WBP4: variants seen among roughly 807,000 people sequenced by gnomAD.
WBP4 encodes WW domain binding protein 4.
Under a neutral mutation model 55.4 loss-of-function variants are expected in WBP4, and 37 were observed. The ratio of observed to expected loss-of-function variants is 0.67; its 90% CI spans 0.51 to 0.88. The LOEUF is 0.88. WBP4 is among the 40% of genes least tolerant of loss of function. The probability of loss-of-function intolerance (pLI) is 0.00; values close to 1 mark genes in which losing one functional copy is unlikely to be tolerated. For synonymous variants in WBP4, 142 were observed against 140.2 expected (o/e 1.01, Z -0.09); for missense variants, 398 against 420.8 (o/e 0.95, Z 0.47).
At chr13:41,062,102 T>TG (rs1207820760) in intron 1 of WBP4, 17 of 876,036 alleles carry the variant, frequency 1.9e-5, no homozygotes, top group South Asian at 1.1e-4. Flanking sequence ...AATGGTTTTT[T>TG]TTTTTTTTTT....
intron 4 of WBP4, among the ~76,000 whole-genome samples, chr13:41,066,240 C>G (rs1046344159): frequency 6.6e-6 from 1 of 152,114 alleles, no homozygotes; most frequent in African/African-American, 2.4e-5. Flanking sequence ...TTATGCTGCC[C>G]TTTGAGCAAA....
chr13:41,062,201 A>C (rs1203906699), intron 1 of WBP4: 58 of 967,772 alleles, frequency 6.0e-5, no homozygotes, highest in Non-Finnish European at 6.6e-5. Flanking sequence ...GTTTTAACTG[A>C]GAGTCTGGGA....
chr13:41,068,815 T>G (rs1878100055), intron 5 of WBP4, 78 bp downstream of exon 5: 2 of 1,378,622 alleles, frequency 1.5e-6, no homozygotes, highest in East Asian at 4.9e-5. Context: ...GTTAGGATTT[T>G]TATCTAATGT....
intron 9 of WBP4, 75 bp from the exon 10 acceptor site, chr13:41,082,629 A>T: frequency 7.3e-7 from 1 of 1,369,820 alleles, no homozygotes; most frequent in South Asian, 1.3e-5. Flanking sequence ...TAGAAAGCTG[A>T]TCTTGGGGCA....
intron 7 of WBP4, 100 bp from the exon 8 acceptor site, chr13:41,075,944 G>C: frequency 8.2e-7 from 1 of 1,223,050 alleles, no homozygotes; most frequent in Non-Finnish European, 1.2e-6. Context: ...AATACATACA[G>C]TATTGTCATT....
In WBP4 at chr13:41,071,566, TAAAA is replaced by T. The variant is rs1233055164; in HGVS notation, c.482_485del (p.Lys161ArgfsTer4). 1 of 1,609,326 alleles carries T rather than the reference TAAAA, an allele frequency of 6.2e-7. No individual in the cohort carries two copies. The highest frequency in any genetic ancestry group is 8.5e-7 in the Non-Finnish European group (1 of 1,177,698). On this transcript the variant is annotated frameshift_variant, in exon 6 of 10. Coordinates refer to ENST00000379487, the MANE Select transcript of WBP4 (RefSeq NM_007187.5). LOFTEE classifies it high-confidence loss of function. Reference sequence around the variant, plus strand: ...AAACCTGAAGGATTTCAAGGAGACTTAAAAAAGGTAATTGAAGCATATTAATAGT... The same window carrying T: ...AAACCTGAAGGATTTCAAGGAGACTTAAGGTAATTGAAGCATATTAATAGT...
intron 3 of WBP4, 43 bp downstream of exon 3, chr13:41,065,121 C>A: frequency 6.2e-7 from 1 of 1,601,260 alleles, no homozygotes; most frequent in Non-Finnish European, 8.5e-7. Context: ...ATGCAAATGT[C>A]AGTCCTTTAT....
At chr13:41,063,796 G>T (rs546656479) in intron 2 of WBP4, among the ~76,000 whole-genome samples, 8 of 152,104 alleles carry the variant, frequency 5.3e-5, no homozygotes, top group African/African-American at 1.9e-4. Flanking sequence ...TTTAGGAAAC[G>T]CAATGTATGA....
In WBP4 at chr13:41,082,796, A is replaced by G. The variant is rs200363308; in HGVS notation, c.1013A>G (p.Lys338Arg). ...GGCGGAGAACCCAAAGTGGTATTTA[A>G]AGAAAAAACAGTCACTTCTCTTGGA... The part of the protein sequence containing the change: ...DGGGEPKVVF[K>R]EKTVTSLGVM... Residue 338 changes from lysine to arginine, a missense_variant, in exon 10 of 10, where the codon AAA (lysine) becomes AGA (arginine). Physicochemically the swap from Lys to Arg is conservative, Grantham distance 26 (BLOSUM62 2). Transcript: ENST00000379487. The G allele has an allele frequency of 9.9e-6, 16 of 1,614,036 alleles. No individual in the cohort carries two copies. The highest frequency in any genetic ancestry group is 1.3e-5 in the Non-Finnish European group (15 of 1,180,038).
At chr13:41,070,333 G>A (rs1001501538) in intron 5 of WBP4, among the ~76,000 whole-genome samples, 1 of 152,068 alleles carries the variant, frequency 6.6e-6, no homozygotes, top group African/African-American at 2.4e-5. Flanking sequence ...GAAGACTTCA[G>A]TAGATAATTA....
At position 41,068,723 on chromosome 13, in the gene WBP4, A is replaced by C. The variant is rs1161755826; in HGVS notation, c.425A>C (p.Asp142Ala). Residue 142 changes from aspartate (D) to alanine (A), a missense_variant, in exon 5 of 10, where the codon GAT (aspartate) becomes GCT (alanine). By Grantham distance (126) the Asp-to-Ala change is moderately radical. Coordinates refer to ENST00000379487, the MANE Select transcript of WBP4 (RefSeq NM_007187.5). ...ITSEGYHYYY[D>A]LISGASQWEK... ...TCTGAGGGTTACCATTACTATTATGATCTTATCTCAGGAGGTAAGTCATTT... is the reference window on the plus strand; with the variant it reads ...TCTGAGGGTTACCATTACTATTATGCTCTTATCTCAGGAGGTAAGTCATTT... 6.2e-7 allele frequency: 1 copy of C among 1,600,174 alleles called. No homozygotes were observed.
chr13:41,065,091 GTTTA>G lies in WBP4; in HGVS notation c.138+17_138+20del. On this transcript the variant is annotated intron_variant, in intron 3 of 9. Coordinates refer to ENST00000379487, the MANE Select transcript of WBP4 (RefSeq NM_007187.5). The stretch of plus-strand genomic sequence containing the variant: ...AAGGATCAGTGAGGTAATTTAGATT[GTTTA>G]TTTGCTAATTTTTCTATGCAAATGT... The G allele has an allele frequency of 6.3e-7, 1 of 1,599,472 alleles. No individual in the cohort carries two copies. The highest frequency in any genetic ancestry group is 8.5e-7 in the Non-Finnish European group (1 of 1,175,928).
intron 8 of WBP4, among the ~76,000 whole-genome samples, chr13:41,080,253 A>G (rs1032294445): frequency 2.0e-5 from 3 of 152,214 alleles, no homozygotes; most frequent in African/African-American, 7.2e-5. Context: ...TACAAAATAC[A>G]GGTAAACAAG....
At chr13:41,067,832 TC>T (rs1388842982) in intron 4 of WBP4, among the ~76,000 whole-genome samples, 2 of 152,316 alleles carry the variant, frequency 1.3e-5, no homozygotes, top group East Asian at 1.9e-4. Flanking sequence ...ATATGTTTTT[TC>T]TTTTTATTTT....
intron 5 of WBP4, among the ~76,000 whole-genome samples, chr13:41,069,893 GA>G (rs79238311): frequency 4.6e-4 from 63 of 138,308 alleles, no homozygotes; most frequent in East Asian, 8.4e-4. Flanking sequence ...AAAAAAAAAA[GA>G]AAAAAAAAAT....
At chr13:41,080,056 C>G (rs921404992) in intron 8 of WBP4, among the ~76,000 whole-genome samples, 3 of 86,772 alleles carry the variant, frequency 3.5e-5, no homozygotes, top group African/African-American at 1.4e-4. Context: ...CAGTGGAGAC[C>G]ATAAAAGGTG....
chr13:41,076,593 T>C (rs1190495530), intron 8 of WBP4, among the ~76,000 whole-genome samples: 1 of 152,140 alleles, frequency 6.6e-6, no homozygotes, highest in East Asian at 1.9e-4. Context: ...CATCAATTTT[T>C]GAAAAGCTCT....
chr13:41,068,531 A>G (rs775720859), intron 4 of WBP4, 30 bp from the exon 5 acceptor site: 2 of 1,529,018 alleles, frequency 1.3e-6, no homozygotes, highest in Non-Finnish European at 8.8e-7. Flanking sequence ...TAGTTACTAT[A>G]GCTGCTTTAC....
At chr13:41,070,306 T>A in intron 5 of WBP4, among the ~76,000 whole-genome samples, 1 of 152,012 alleles carries the variant, frequency 6.6e-6, no homozygotes, top group Non-Finnish European at 1.5e-5. Flanking sequence ...GTGTAGACAC[T>A]CTGTGTTTTG....
Sources: allele counts gnomAD v4.1 joint callset (sites outside exome capture counted in the v4.1 genomes callset), GRCh38; gene constraint gnomAD v4.1.1; transcripts MANE v1.5; gene names NCBI Gene and HGNC (gene_info 2026-07-23, HGNC 2026-07-21).